RIBC2: variants seen among roughly 807,000 people sequenced by gnomAD.
RIBC2 encodes RIB43A-like with coiled-coils protein 2.
A neutral mutation model predicts 44.3 loss-of-function variants in RIBC2; 40 were observed. That is an observed-to-expected ratio of 0.90 (90% CI 0.70 to 1.18). The LOEUF is 1.18. Among genes scored for constraint, RIBC2 ranks in the 50% most tolerant of loss-of-function variants. RIBC2 has a pLI of 0.00. For missense variants in RIBC2, 459 were observed against 485.5 expected, an observed-to-expected ratio of 0.95 and a Z score of 0.51; for synonymous variants, 171 against 175.0, an observed-to-expected ratio of 0.98 and a Z score of 0.18.
chr22:45,420,983 G>A (rs374535356), intron 3 of RIBC2, among the ~76,000 whole-genome samples: 5 of 152,284 alleles, frequency 3.3e-5, no homozygotes, highest in Non-Finnish European at 7.4e-5. Flanking sequence ...GATCCCCTGA[G>A]GTCAGGAGTT....
At chr22:45,424,067 A>G (rs2087511131) in intron 4 of RIBC2, among the ~76,000 whole-genome samples, 1 of 152,036 alleles carries the variant, frequency 6.6e-6, no homozygotes, top group South Asian at 2.1e-4. Context: ...TCATTCATAT[A>G]TTCTAGAAGA....
intron 4 of RIBC2, 78 bp from the exon 5 acceptor site, chr22:45,425,870 G>T: frequency 7.9e-7 from 1 of 1,272,940 alleles, no homozygotes; most frequent in East Asian, 2.5e-5. Flanking sequence ...AGGGCCCCCA[G>T]TGAGATTTGC....
chr22:45,417,781 C>T lies in RIBC2; in HGVS notation c.391C>T (p.Gln131Ter). Residue 131 changes from glutamine to a stop codon, truncating the protein, a stop_gained, in exon 3 of 7, where the codon CAG becomes TAG. Coordinates refer to ENST00000614167, the MANE Select transcript of RIBC2 (RefSeq NM_015653.5). LOFTEE classifies it high-confidence loss of function. ...LALKKDLPAR[Q>*]SDNDVRNTIS... ...CCTTAAGAAAGATCTTCCAGCCCGG[C>T]AGTCAGATAATGATGTTCGGAATAC... The T allele has an allele frequency of 6.2e-7, 1 of 1,614,148 alleles. No individual in the cohort carries two copies. Among genetic ancestry groups the T allele is most frequent in the Non-Finnish European group, 8.5e-7 (1 of 1,180,028 alleles).
chr22:45,426,925 G>A (rs568699185), intron 5 of RIBC2, among the ~76,000 whole-genome samples: 6 of 152,180 alleles, frequency 3.9e-5, no homozygotes, highest in Admixed American at 2.0e-4. Context: ...GGGTGGGGAC[G>A]TGTGAAAGAG....
chr22:45,418,916 A>G (rs1402198087), intron 3 of RIBC2, among the ~76,000 whole-genome samples: 3 of 152,216 alleles, frequency 2.0e-5, no homozygotes. Flanking sequence ...ATGTCGCCCA[A>G]TCCAAGGTCG....
chr22:45,422,640 C>A, intron 4 of RIBC2: 1 of 530,848 alleles, frequency 1.9e-6, no homozygotes, highest in South Asian at 2.0e-5. Flanking sequence ...AGCCATGTAA[C>A]CTGGGGAAGT....
chr22:45,430,925 G>A lies in RIBC2; in HGVS notation c.929G>A (p.Arg310Gln), dbSNP rs757196672. ...KLRLQEEKRQ[R>Q]DLDWDRRRIQ... The stretch of plus-strand genomic sequence containing the variant: ...AGGCTCCAGGAAGAAAAGCGCCAGC[G>A]AGACCTGGACTGGGACCGGCGGAGG... The change falls in exon 6 of 7, where the codon CGA (arginine) becomes CAA (glutamine). Residue 310 changes from arginine (R) to glutamine (Q), a missense_variant. Transcript: ENST00000614167. 20 of 1,601,728 alleles carry A rather than the reference G, an allele frequency of 1.2e-5. No individual in the cohort carries two copies. Among genetic ancestry groups the A allele is most frequent in the Admixed American group, 6.9e-5 (4 of 58,200 alleles).
chr22:45,425,916 G>A (rs749402615), intron 4 of RIBC2, 32 bp from the exon 5 acceptor site: 3 of 1,588,620 alleles, frequency 1.9e-6, no homozygotes, highest in Non-Finnish European at 2.6e-6. Flanking sequence ...GGGTCACTCG[G>A]ACCATCTTCT....
rs529724786 is a variant in RIBC2, at chr22:45,432,323, G to C, written c.1110G>C (p.Thr370=). 3.7e-6 allele frequency: 6 copies of C among 1,600,168 alleles called. No homozygotes were observed. The East Asian group carries it at 6.7e-5, about 18-fold the overall frequency. ...ATGAAGTCTATACAAATCAACCCAC[G>C]GGAGACTATTTCACACAATTTAATA... ...YMNEVYTNQP[T]GDYFTQFNTG... Residue 370 remains threonine, a synonymous_variant, in exon 7 of 7, where the codon ACG becomes ACC. Transcript: ENST00000614167.
chr22:45,424,567 T>A (rs917509337), intron 4 of RIBC2, among the ~76,000 whole-genome samples: 81 of 152,186 alleles, frequency 5.3e-4, no homozygotes, highest in Admixed American at 1.8e-3. Flanking sequence ...GTTCCATGCA[T>A]GCTCCCTGCC....
At chr22:45,418,717 C>T (rs1295058036) in intron 3 of RIBC2, among the ~76,000 whole-genome samples, 1 of 152,114 alleles carries the variant, frequency 6.6e-6, no homozygotes, top group Non-Finnish European at 1.5e-5. Context: ...TTGAGCGCCT[C>T]CTCTCTGCTT....
chr22:45,419,271 T>C (rs2146877123), intron 3 of RIBC2, among the ~76,000 whole-genome samples: 1 of 152,224 alleles, frequency 6.6e-6, no homozygotes, highest in Non-Finnish European at 1.5e-5. Context: ...TCAGCACGAG[T>C]CCAATAACTC....
chr22:45,424,253 A>G (rs1264248424), intron 4 of RIBC2, among the ~76,000 whole-genome samples: 2 of 152,214 alleles, frequency 1.3e-5, no homozygotes, highest in Non-Finnish European at 2.9e-5. Context: ...ATGTTAATCC[A>G]AAGCCCAAGC....
In RIBC2 at chr22:45,417,938, A is replaced by T; in HGVS notation, c.548A>T (p.Lys183Ile). ...TGGAAGAACGCCCGTGCTGAACAAA[A>T]ATGCGCAGGTAATGAAACAGAAGAG... ...REWKNARAEQ[K>I]CAEALYTETR... is the part of the protein sequence containing the mutation. Residue 183 changes from lysine to isoleucine, a missense_variant, in exon 3 of 7, where the codon AAA becomes ATA. Coordinates refer to ENST00000614167, the MANE Select transcript of RIBC2 (RefSeq NM_015653.5). 1 of 1,597,370 alleles carries T rather than the reference A, an allele frequency of 6.3e-7. No individual in the cohort carries two copies.
intron 2 of RIBC2, among the ~76,000 whole-genome samples, chr22:45,417,251 T>G (rs1279216274): frequency 6.6e-6 from 1 of 152,166 alleles, no homozygotes; most frequent in Non-Finnish European, 1.5e-5. Context: ...TTTGCCCATT[T>G]ATTGGGTTGG....
At position 45,431,055 on chromosome 22, in the gene RIBC2, GC is replaced by G; in HGVS notation, c.1060del (p.Gln354SerfsTer8). ...GCAGCAACCTCAGCCTGGCCAAGGAGCAGCATTTGCAGTGAGTGCTGGGTGG... is the reference window on the plus strand; with the variant it reads ...GCAGCAACCTCAGCCTGGCCAAGGAGAGCATTTGCAGTGAGTGCTGGGTGG... ...DSSNLSLAKE[Q>X]HLQKKYMNEV... On this transcript the variant is annotated frameshift_variant, in exon 6 of 7. Transcript: ENST00000614167. LOFTEE classifies it high-confidence loss of function. The G allele has an allele frequency of 6.4e-7, 1 of 1,573,156 alleles. No individual in the cohort carries two copies. The highest frequency in any genetic ancestry group is 8.6e-7 in the Non-Finnish European group (1 of 1,159,300).
At chr22:45,425,885 C>T in intron 4 of RIBC2, 63 bp from the exon 5 acceptor site, 2 of 1,418,634 alleles carry the variant, frequency 1.4e-6, no homozygotes, top group Non-Finnish European at 1.9e-6. Flanking sequence ...ATTTGCTGGC[C>T]TGGGTGTCAG....
chr22:45,429,245 T>G (rs897727717), intron 5 of RIBC2, among the ~76,000 whole-genome samples: 1 of 152,104 alleles, frequency 6.6e-6, no homozygotes, highest in African/African-American at 2.4e-5. Flanking sequence ...TGATGCCTAC[T>G]CAAGTTTGAG....
intron 3 of RIBC2, among the ~76,000 whole-genome samples, 156 bp from the exon 4 acceptor site, chr22:45,422,134 A>G (rs531456001): frequency 6.6e-6 from 1 of 151,732 alleles, no homozygotes; most frequent in South Asian, 2.1e-4. Flanking sequence ...TGGGAGCTTG[A>G]CTCTCCCACA....
Sources: gnomAD v4.1 joint callset for allele counts (sites outside exome capture counted in the v4.1 genomes callset) on GRCh38, gnomAD v4.1.1 for gene constraint, MANE v1.5 for transcripts, NCBI Gene and HGNC (gene_info 2026-07-23, HGNC 2026-07-21) for gene names.